SLC4A7: variants seen among roughly 807,000 people sequenced by gnomAD.
The protein encoded by SLC4A7 is solute carrier family 4 member 7, also known as sodium bicarbonate cotransporter 3.
SLC4A7 carries 51 observed loss-of-function variants against 137.6 expected under a neutral mutation model. That is an observed-to-expected ratio of 0.37 (90% CI 0.30 to 0.47). The LOEUF (loss-of-function observed/expected upper bound fraction) is 0.47, where lower values mean the gene tolerates loss of function less well. Among genes scored for constraint, SLC4A7 ranks in the 20% least tolerant of loss-of-function variants. The probability of loss-of-function intolerance (pLI) is 1.00; values close to 1 mark genes in which losing one functional copy is unlikely to be tolerated. For synonymous variants in SLC4A7, 542 were observed against 518.6 expected (o/e 1.05, Z -0.61); for missense variants, 1,247 against 1,525.4 (o/e 0.82, Z 3.04).
In SLC4A7 at chr3:27,450,005, C is replaced by A. The variant is rs564539564; in HGVS notation, c.143-1208G>T. 7.9e-5 allele frequency among the ~76,000 whole-genome samples: 12 copies of A among 152,208 alleles called. No individual in the cohort carries two copies. The South Asian group carries it at 2.3e-3, about 29-fold the overall frequency. ...TTTACTTGTAACCACAAAATCAATACTTAGGGAGATTTCATGCCATTTTTC... is the reference window on the plus strand; with the variant it reads ...TTTACTTGTAACCACAAAATCAATAATTAGGGAGATTTCATGCCATTTTTC... On this transcript the variant is annotated intron_variant, in intron 2 of 25. Transcript: ENST00000454389.
chr3:27,396,303 T>G (rs1489173082), intron 18 of SLC4A7, among the ~76,000 whole-genome samples: 1 of 152,190 alleles, frequency 6.6e-6, no homozygotes, highest in African/African-American at 2.4e-5. Flanking sequence ...TTCCTTGATT[T>G]GCTTCCTCAA....
chr3:27,412,710 GCTA>G (rs1329514996), intron 11 of SLC4A7, among the ~76,000 whole-genome samples: 1 of 146,688 alleles, frequency 6.8e-6, no homozygotes, highest in Non-Finnish European at 1.6e-5. Context: ...TGTGGTTTTG[GCTA>G]TTATTTTTAA....
At chr3:27,440,899 G>C (rs996687037) in intron 3 of SLC4A7, among the ~76,000 whole-genome samples, 2 of 151,944 alleles carry the variant, frequency 1.3e-5, no homozygotes, top group African/African-American at 4.8e-5. Context: ...ACAAAAATTA[G>C]CCAGCCATGA....
In SLC4A7 at chr3:27,452,464, T is replaced by C. The variant is rs1364415977; in HGVS notation, c.95A>G (p.Lys32Arg). 1 of 1,605,524 alleles carries C rather than the reference T, an allele frequency of 6.2e-7. No individual in the cohort carries two copies. The highest frequency in any genetic ancestry group is 8.5e-7 in the Non-Finnish European group (1 of 1,178,248). Residue 32 changes from lysine to arginine, a missense_variant, in exon 2 of 26, where the codon AAA becomes AGA. Transcript: ENST00000454389. ...CTTGGTGTTCACAGTTGAGCTAGTT[T>C]TGCCAAGATCCACAACAGCTTCTTC... ...PDEEAVVDLG[K>R]TSSTVNTKFE...
At chr3:27,448,191 G>A (rs1354988260) in intron 3 of SLC4A7, among the ~76,000 whole-genome samples, 10 of 149,316 alleles carry the variant, frequency 6.7e-5, no homozygotes, top group Non-Finnish European at 8.9e-5. Flanking sequence ...CAGCCCAGCC[G>A]GGGTGACAGA....
At chr3:27,474,226 A>G (rs951877266) in intron 1 of SLC4A7, among the ~76,000 whole-genome samples, 2 of 152,176 alleles carry the variant, frequency 1.3e-5, no homozygotes, top group African/African-American at 4.8e-5. Flanking sequence ...CAGAGAATAA[A>G]TAAGTGAGAT....
chr3:27,419,617 T>G (rs2054745752), intron 10 of SLC4A7, among the ~76,000 whole-genome samples: 1 of 149,742 alleles, frequency 6.7e-6, no homozygotes, highest in South Asian at 2.2e-4. Context: ...ATTACAGGAG[T>G]GAGCCACTGC....
At chr3:27,385,683 AGAC>A (rs1330402511) in intron 23 of SLC4A7, among the ~76,000 whole-genome samples, 2 of 152,138 alleles carry the variant, frequency 1.3e-5, no homozygotes, top group African/African-American at 4.8e-5. Context: ...AATGGTGAAG[AGAC>A]TACATTTGGA....
chr3:27,411,406 T>G (rs1218920898), intron 12 of SLC4A7, among the ~76,000 whole-genome samples: 1 of 151,898 alleles, frequency 6.6e-6, no homozygotes, highest in African/African-American at 2.4e-5. Context: ...ACTGCAATAT[T>G]CTGAATATAC....
In SLC4A7 at chr3:27,384,310, A is replaced by C. The variant is rs376712832; in HGVS notation, c.3493-1060T>G. ...CTCCTTAAACTTGACAATATGGTGA[A>C]GCTATTTTGCCTTCTATCCCTTCCT... is the stretch of plus-strand genomic sequence containing the variant. On this transcript the variant is annotated intron_variant, in intron 23 of 25. Coordinates refer to ENST00000454389, the MANE Select transcript of SLC4A7 (RefSeq NM_001321103.2). 7.9e-5 allele frequency among the ~76,000 whole-genome samples: 12 copies of C among 152,282 alleles called. No homozygotes were observed. The East Asian group carries it at 9.6e-4, about 12-fold the overall frequency.
At chr3:27,397,313 G>A (rs908340497) in intron 18 of SLC4A7, among the ~76,000 whole-genome samples, 1 of 152,116 alleles carries the variant, frequency 6.6e-6, no homozygotes, top group Non-Finnish European at 1.5e-5. Context: ...ACTGCACCTG[G>A]CCTGGGTTAC....
intron 1 of SLC4A7, among the ~76,000 whole-genome samples, chr3:27,481,600 T>C (rs945381379): frequency 6.6e-6 from 1 of 152,230 alleles, no homozygotes; most frequent in African/African-American, 2.4e-5. Flanking sequence ...AGTTCCTCTT[T>C]CCTGTTTTCA....
intron 8 of SLC4A7, chr3:27,422,634 T>C (rs1374459776): frequency 1.5e-5 from 5 of 343,662 alleles, no homozygotes; most frequent in African/African-American, 8.5e-5. Context: ...AATGCTATAA[T>C]AGTAAAATTT....
rs1161529001 is a variant in SLC4A7 at position 27,394,986 on chromosome 3, C to T, written c.2833G>A (p.Val945Ile). ...TTGTGTTCCTTTCTGTTTATAATTA[C>T]AGCTGTGATTTGTTGATCCATAAAG... ...LIFMDQQITA[V>I]IINRKEHKLK... Residue 945 changes from valine (V) to isoleucine (I), a missense_variant, in exon 19 of 26, where the codon GTA becomes ATA. Around this residue, in one of 6 missense-constraint regions of SLC4A7, gnomAD observed 48 missense variants for 97.2 expected, o/e 0.49. Transcript: ENST00000454389. 26 of 1,599,866 alleles carry T rather than the reference C, an allele frequency of 1.6e-5. No homozygotes were observed. Among genetic ancestry groups the T allele is most frequent in the Non-Finnish European group, 2.1e-5 (25 of 1,176,542 alleles).
At chr3:27,427,688 T>G (rs2055789161) in intron 7 of SLC4A7, among the ~76,000 whole-genome samples, 1 of 152,122 alleles carries the variant, frequency 6.6e-6, no homozygotes, top group South Asian at 2.1e-4. Flanking sequence ...TCTAGATGCT[T>G]TAAGCACCGA....
chr3:27,405,143 GA>G (rs2053211478), intron 13 of SLC4A7, among the ~76,000 whole-genome samples, 180 bp from the exon 14 acceptor site: 1 of 151,920 alleles, frequency 6.6e-6, no homozygotes, highest in Non-Finnish European at 1.5e-5. Context: ...AAATACACAA[GA>G]AAAAATGCTT....
chr3:27,483,655 C>T (rs1306741132), intron 1 of SLC4A7, among the ~76,000 whole-genome samples: 1 of 152,216 alleles, frequency 6.6e-6, no homozygotes, highest in Non-Finnish European at 1.5e-5. Flanking sequence ...GATAGGTTTT[C>T]GAGGGCTAAT....
At chr3:27,482,665 C>G (rs1034886931) in intron 1 of SLC4A7, among the ~76,000 whole-genome samples, 1 of 151,878 alleles carries the variant, frequency 6.6e-6, no homozygotes, top group African/African-American at 2.4e-5. Flanking sequence ...CCTGCTACTC[C>G]GGAGGCTGAG....
chr3:27,430,244 C>T (rs1391762475), intron 7 of SLC4A7, among the ~76,000 whole-genome samples: 2 of 151,722 alleles, frequency 1.3e-5, no homozygotes, highest in African/African-American at 4.8e-5. Context: ...ATTTAAGGCA[C>T]ATCACTTCAC....
Sources: gnomAD v4.1 joint callset for allele counts (sites outside exome capture counted in the v4.1 genomes callset) on GRCh38, gnomAD v4.1.1 for gene constraint, gnomAD v4.1.1 regional missense constraint, MANE v1.5 for transcripts, NCBI Gene and HGNC (gene_info 2026-07-23, HGNC 2026-07-21) for gene names.